Variants in RAD51B observed in about 807,000 individuals in gnomAD.
The protein encoded by RAD51B is RAD51 paralog B, also known as DNA repair protein RAD51 homolog 2.
Under a neutral mutation model 42.2 loss-of-function variants are expected in RAD51B, and 38 were observed. That is an observed-to-expected ratio of 0.90 (90% confidence interval 0.70 to 1.18). The LOEUF (loss-of-function observed/expected upper bound fraction) is 1.18, where lower values mean the gene tolerates loss of function less well. RAD51B is among the 50% of genes most tolerant of loss of function. RAD51B has a pLI of 0.00. For missense variants in RAD51B, 373 were observed against 400.7 expected (o/e 0.93, Z 0.59); for synonymous variants, 154 against 145.2 (o/e 1.06, Z -0.43).
At chr14:67,964,934 C>T (rs1159942966) in intron 7 of RAD51B, among the ~76,000 whole-genome samples, 2 of 152,192 alleles carry the variant, frequency 1.3e-5, no homozygotes, top group African/African-American at 4.8e-5. Context: ...CCTTTCTACA[C>T]AGGCACTTTG....
chr14:67,927,580 C>T (rs370074595), intron 7 of RAD51B, among the ~76,000 whole-genome samples: 13 of 152,154 alleles, frequency 8.5e-5, no homozygotes, highest in South Asian at 2.1e-4. Context: ...TGAATGAGAA[C>T]GTGTGGTATT....
chr14:68,490,144 G>C (rs1290906974), intron 10 of RAD51B, among the ~76,000 whole-genome samples: 1 of 152,196 alleles, frequency 6.6e-6, no homozygotes, highest in Non-Finnish European at 1.5e-5. Flanking sequence ...AGAATGGTTT[G>C]TTATGGAGAA....
At chr14:67,965,762 T>G (rs1163063942) in intron 7 of RAD51B, among the ~76,000 whole-genome samples, 1 of 152,048 alleles carries the variant, frequency 6.6e-6, no homozygotes, top group East Asian at 1.9e-4. Flanking sequence ...CCTTGCCCCA[T>G]ATACACAGAA....
chr14:67,914,952 G>A (rs1003498499), intron 7 of RAD51B, among the ~76,000 whole-genome samples: 1 of 152,190 alleles, frequency 6.6e-6, no homozygotes, highest in Non-Finnish European at 1.5e-5. Context: ...TGAGAGTGTG[G>A]AGGAATAGTT....
chr14:68,534,734 G>A (rs975089848), intron 10 of RAD51B, among the ~76,000 whole-genome samples: 11 of 152,136 alleles, frequency 7.2e-5, no homozygotes, highest in African/African-American at 2.4e-4. Context: ...CTTATCATCT[G>A]TCCTCCCGCT....
At chr14:68,098,346 A>G (rs1331440991) in intron 7 of RAD51B, among the ~76,000 whole-genome samples, 3 of 152,284 alleles carry the variant, frequency 2.0e-5, no homozygotes, top group Non-Finnish European at 4.4e-5. Flanking sequence ...TGAACAAAAT[A>G]GTACCTGCCC....
intron 7 of RAD51B, among the ~76,000 whole-genome samples, chr14:67,898,886 A>T (rs899466158): frequency 5.9e-5 from 9 of 152,216 alleles, no homozygotes; most frequent in Non-Finnish European, 1.3e-4. Context: ...AGGTTTTATT[A>T]TCTTCCAATA....
chr14:68,559,615 T>A (rs1038482929), intron 10 of RAD51B, among the ~76,000 whole-genome samples: 6 of 151,974 alleles, frequency 3.9e-5, no homozygotes, highest in Non-Finnish European at 5.9e-5. Flanking sequence ...CCTGACCTCA[T>A]GTGATCCACC....
At chr14:68,083,147 A>T (rs1354638322) in intron 7 of RAD51B, among the ~76,000 whole-genome samples, 1 of 152,238 alleles carries the variant, frequency 6.6e-6, no homozygotes, top group East Asian at 1.9e-4. Context: ...TGAAAACGGT[A>T]TCTTTTAATA....
chr14:67,909,208 G>T (rs1429025217), intron 7 of RAD51B, among the ~76,000 whole-genome samples: 3 of 152,176 alleles, frequency 2.0e-5, no homozygotes, highest in Middle Eastern at 3.2e-3. Flanking sequence ...CCAGAGAATA[G>T]ATTGGAGGAG....
At position 68,128,901 on chromosome 14, in the gene RAD51B, A is replaced by G. The variant is rs1162747075; in HGVS notation, c.757-162983A>G. ...TAATTTTTCTTTACTCTGAAAGGTAATTTCCTAGAGATGAGAAGGTATCTA... is the reference window on the plus strand; with the variant it reads ...TAATTTTTCTTTACTCTGAAAGGTAGTTTCCTAGAGATGAGAAGGTATCTA... On this transcript the variant is annotated intron_variant, in intron 7 of 10. Coordinates refer to ENST00000471583, the MANE Select transcript of RAD51B (RefSeq NM_133510.4). Among the ~76,000 whole-genome samples the G allele has an allele frequency of 3.3e-5, 5 of 152,190 alleles. No individual in the cohort carries two copies. The South Asian group carries it at 1.0e-3, about 32-fold the overall frequency.
At chr14:68,103,962 G>A (rs2077334110) in intron 7 of RAD51B, among the ~76,000 whole-genome samples, 1 of 152,104 alleles carries the variant, frequency 6.6e-6, no homozygotes, top group Admixed American at 6.6e-5. Context: ...GGCTTGCCAG[G>A]CCCACCCTCC....
intron 7 of RAD51B, among the ~76,000 whole-genome samples, chr14:68,104,693 A>T (rs1475908633): frequency 6.6e-6 from 1 of 152,140 alleles, no homozygotes; most frequent in East Asian, 1.9e-4. Context: ...ATACCAATTG[A>T]GTGAATATTG....
chr14:68,470,892 G>A (rs1422901751), intron 10 of RAD51B, among the ~76,000 whole-genome samples: 3 of 149,944 alleles, frequency 2.0e-5, no homozygotes, highest in African/African-American at 4.9e-5. Context: ...CCTTAGCTCA[G>A]CCCAGTTGTA....
intron 7 of RAD51B, among the ~76,000 whole-genome samples, chr14:68,220,331 G>A (rs2140961645): frequency 6.6e-6 from 1 of 152,238 alleles, no homozygotes; most frequent in African/African-American, 2.4e-5. Flanking sequence ...CAATAAATGT[G>A]ATATACCACA....
At chr14:68,569,341 G>A (rs1199832064) in intron 10 of RAD51B, among the ~76,000 whole-genome samples, 1 of 152,184 alleles carries the variant, frequency 6.6e-6, no homozygotes, top group Non-Finnish European at 1.5e-5. Flanking sequence ...TGCTTATTGT[G>A]CTCAGAAGGG....
chr14:68,605,152 T>G (rs1480898033), intron 10 of RAD51B, among the ~76,000 whole-genome samples: 2 of 152,182 alleles, frequency 1.3e-5, no homozygotes, highest in Non-Finnish European at 2.9e-5. Context: ...AATGCACTCT[T>G]TCACATTTCT....
intron 7 of RAD51B, among the ~76,000 whole-genome samples, chr14:68,082,098 C>G: frequency 6.6e-6 from 1 of 151,916 alleles, no homozygotes; most frequent in East Asian, 1.9e-4. Flanking sequence ...GTAGCTGGGA[C>G]TACAAGTGCA....
intron 10 of RAD51B, among the ~76,000 whole-genome samples, chr14:68,637,982 G>A (rs1892375491): frequency 6.6e-6 from 1 of 152,236 alleles, no homozygotes; most frequent in South Asian, 2.1e-4. Context: ...CCTGTGAAGG[G>A]CAGGGCCCAG....
Sources: gnomAD v4.1 joint callset for allele counts (sites outside exome capture counted in the v4.1 genomes callset) on GRCh38, gnomAD v4.1.1 for gene constraint, MANE v1.5 for transcripts, NCBI Gene and HGNC (gene_info 2026-07-23, HGNC 2026-07-21) for gene names.